TNFSF11: variants seen among roughly 807,000 people sequenced by gnomAD.
TNFSF11 encodes tumor necrosis factor ligand superfamily member 11.
A neutral mutation model predicts 32.2 loss-of-function variants in TNFSF11; 12 were observed. That is an observed-to-expected ratio of 0.37 (90% CI 0.24 to 0.60). The LOEUF (loss-of-function observed/expected upper bound fraction) is 0.60, where lower values mean the gene tolerates loss of function less well. Among genes scored for constraint, TNFSF11 ranks in the 20% least tolerant of loss-of-function variants. The pLI is 0.66. For synonymous variants in TNFSF11, 172 were observed against 152.1 expected, an observed-to-expected ratio of 1.13 and a Z score of -0.96; for missense variants, 345 against 398.0, an observed-to-expected ratio of 0.87 and a Z score of 1.13.
Position 42,600,935 on chromosome 13 carries a change from T to C in TNFSF11, c.486T>C (p.Ala162=). ...TGGCCAAGAGGAGCAAGCTTGAAGCTCAGCCTTTTGCTCATCTCACTATTA... is the reference window on the plus strand; with the variant it reads ...TGGCCAAGAGGAGCAAGCTTGAAGCCCAGCCTTTTGCTCATCTCACTATTA... ...LDLAKRSKLE[A]QPFAHLTINA... is the part of the protein sequence containing the mutation. Residue 162 remains alanine, a synonymous_variant, in exon 4 of 5, where the codon GCT becomes GCC. Coordinates refer to ENST00000398795, the MANE Select transcript of TNFSF11 (RefSeq NM_003701.4). The C allele has an allele frequency of 6.2e-7, 1 of 1,614,162 alleles. No individual in the cohort carries two copies. The highest frequency in any genetic ancestry group is 8.5e-7 in the Non-Finnish European group (1 of 1,180,002).
At chr13:42,583,168 T>C in intron 2 of TNFSF11, among the ~76,000 whole-genome samples, 1 of 151,954 alleles carries the variant, frequency 6.6e-6, no homozygotes, top group Admixed American at 6.5e-5. Context: ...CCCAGCACTT[T>C]GGGAGGCCGA....
chr13:42,587,876 G>T (rs1873973448), intron 2 of TNFSF11, among the ~76,000 whole-genome samples: 1 of 152,134 alleles, frequency 6.6e-6, no homozygotes, highest in Non-Finnish European at 1.5e-5. Flanking sequence ...GATTGTAACT[G>T]CTTGTGAAAC....
chr13:42,575,390 A>G (rs1191271838), intron 1 of TNFSF11, among the ~76,000 whole-genome samples: 6 of 152,202 alleles, frequency 3.9e-5, no homozygotes, highest in African/African-American at 1.4e-4. Context: ...TTTCTTGGAA[A>G]TTGCAGTGCA....
intron 2 of TNFSF11, among the ~76,000 whole-genome samples, chr13:42,592,892 G>A (rs1868580799): frequency 6.6e-6 from 1 of 152,114 alleles, no homozygotes; most frequent in African/African-American, 2.4e-5. Context: ...TGTGATGAAG[G>A]TGCCTGCTTC....
chr13:42,585,922 C>T (rs971725406), intron 2 of TNFSF11, among the ~76,000 whole-genome samples: 8 of 152,146 alleles, frequency 5.3e-5, no homozygotes, highest in African/African-American at 1.9e-4. Context: ...GGAGAAAGGT[C>T]AATAAACAAA....
intron 2 of TNFSF11, among the ~76,000 whole-genome samples, chr13:42,567,034 G>A (rs1395998620): frequency 6.6e-6 from 1 of 151,728 alleles, no homozygotes; most frequent in South Asian, 2.1e-4. Flanking sequence ...AAATGAAACT[G>A]CAAGTTAAAC....
At chr13:42,571,683 A>C (rs1873074433), upstream of TNFSF11, 1 of 152,146 alleles carries the variant, frequency 6.6e-6, no homozygotes, top group South Asian at 2.1e-4. Context: ...GAAGGTTTTT[A>C]ATCTTCAGAG....
In TNFSF11 at chr13:42,581,130, A is replaced by G. The variant is rs571875062; in HGVS notation, c.224A>G (p.Asp75Gly). Residue 75 changes from aspartate to glycine, a missense_variant, in exon 2 of 5, where the codon GAT becomes GGT. By Grantham distance (94) the Asp-to-Gly change is moderately conservative. Coordinates refer to ENST00000398795, the MANE Select transcript of TNFSF11 (RefSeq NM_003701.4). ...ALFFYFRAQM[D>G]PNRISEDGTH... Reference sequence around the variant, plus strand: ...CTTACTGTTTCTCCTCCTCAGATGGATCCTAATAGAATATCAGAAGATGGC... The same window carrying G: ...CTTACTGTTTCTCCTCCTCAGATGGGTCCTAATAGAATATCAGAAGATGGC... 2 of 1,614,054 alleles carry G rather than the reference A, an allele frequency of 1.2e-6. No individual in the cohort carries two copies. Among genetic ancestry groups the G allele is most frequent in the East Asian group, 2.2e-5 (1 of 44,870 alleles).
upstream of TNFSF11, among the ~76,000 whole-genome samples, chr13:42,570,432 G>A (rs1277558265): frequency 6.6e-6 from 1 of 152,096 alleles, no homozygotes; most frequent in African/African-American, 2.4e-5. Context: ...AATACACTAA[G>A]GTACTAGGAA....
At chr13:42,599,599 C>T (rs1441293558) in intron 2 of TNFSF11, among the ~76,000 whole-genome samples, 3 of 151,954 alleles carry the variant, frequency 2.0e-5, no homozygotes, top group Non-Finnish European at 4.4e-5. Context: ...GAGTCTAACT[C>T]TGTCACCCAG....
Position 42,581,237 on chromosome 13 carries a change from T to G in TNFSF11, c.331T>G (p.Leu111Val). The G allele has an allele frequency of 3.1e-6, 5 of 1,614,108 alleles. No individual in the cohort carries two copies. Among genetic ancestry groups the G allele is most frequent in the Non-Finnish European group, 4.2e-6 (5 of 1,179,994 alleles). ...AACTCTGGAGAGTCAAGATACAAAA[T>G]TAATACCTGATTCATGTAGGAGAAT... is the stretch of plus-strand genomic sequence containing the variant. Reference protein sequence around the residue: ...DTTLESQDTKLIPDSCRRIKQ... With the variant: ...DTTLESQDTKVIPDSCRRIKQ... The change falls in exon 2 of 5, where the codon TTA (leucine) becomes GTA (valine). Residue 111 changes from leucine (L) to valine (V), a missense_variant. By Grantham distance (32) the Leu-to-Val change is conservative (BLOSUM62 1). Coordinates refer to ENST00000398795, the MANE Select transcript of TNFSF11 (RefSeq NM_003701.4).
chr13:42,589,549 A>G (rs1002406951), intron 2 of TNFSF11, among the ~76,000 whole-genome samples: 2 of 152,092 alleles, frequency 1.3e-5, no homozygotes, highest in African/African-American at 2.4e-5. Context: ...ATGTAACAAA[A>G]AGTCCTCTGT....
At chr13:42,575,751 A>G (rs1873278188) in intron 1 of TNFSF11, among the ~76,000 whole-genome samples, 1 of 152,254 alleles carries the variant, frequency 6.6e-6, no homozygotes, top group African/African-American at 2.4e-5. Context: ...TGCATTAAAT[A>G]TAATCTACTC....
intron 4 of TNFSF11, among the ~76,000 whole-genome samples, chr13:42,605,383 T>C (rs963127363): frequency 6.6e-6 from 1 of 152,244 alleles, no homozygotes; most frequent in Non-Finnish European, 1.5e-5. Flanking sequence ...AAGAAAAATG[T>C]ATTTTTGTAC....
upstream of TNFSF11, chr13:42,571,551 T>C (rs1270937322): frequency 6.6e-6 from 1 of 152,122 alleles, no homozygotes; most frequent in East Asian, 1.9e-4. Context: ...TCATTTTTTG[T>C]AAAGATAGGG....
At chr13:42,570,834 C>T (rs78766370), upstream of TNFSF11, among the ~76,000 whole-genome samples, 274 of 152,254 alleles carry the variant, frequency 1.8e-3, 1 homozygote, top group Non-Finnish European at 3.1e-3. Context: ...TGCCTAAGAG[C>T]TTTCGCTGAC....
intron 2 of TNFSF11, among the ~76,000 whole-genome samples, chr13:42,588,059 G>A (rs1268801858): frequency 6.6e-6 from 1 of 152,196 alleles, no homozygotes; most frequent in African/African-American, 2.4e-5. Flanking sequence ...GAGCACTCAT[G>A]TTCCCAAGTC....
intron 2 of TNFSF11, among the ~76,000 whole-genome samples, chr13:42,582,170 T>C (rs1194925535): frequency 6.6e-6 from 1 of 152,174 alleles, no homozygotes; most frequent in Non-Finnish European, 1.5e-5. Context: ...AGCCCTTACC[T>C]CTAAATTTAA....
intron 2 of TNFSF11, among the ~76,000 whole-genome samples, chr13:42,583,963 T>C (rs1478319593): frequency 6.6e-6 from 1 of 152,100 alleles, no homozygotes; most frequent in Non-Finnish European, 1.5e-5. Context: ...TTTGTAAAAA[T>C]TAATAAGTAA....
Sources: allele counts gnomAD v4.1 joint callset (sites outside exome capture counted in the v4.1 genomes callset), GRCh38; gene constraint gnomAD v4.1.1; transcripts MANE v1.5; gene names NCBI Gene and HGNC (gene_info 2026-07-23, HGNC 2026-07-21).